FOSL1: variants seen among roughly 807,000 people sequenced by gnomAD.
FOSL1 encodes FOS like 1, AP-1 transcription factor subunit, also known as fos-related antigen 1.
A neutral mutation model predicts 24.9 loss-of-function variants in FOSL1; 14 were observed. That is an observed-to-expected ratio of 0.56 (90% CI 0.37 to 0.88). FOSL1 has a LOEUF of 0.88. Ranked by LOEUF, FOSL1 falls within the 40% of genes least tolerant of loss-of-function variation. FOSL1 has a pLI of 0.00. For synonymous variants in FOSL1, 133 were observed against 145.1 expected (o/e 0.92, Z 0.60); for missense variants, 318 against 359.8 (o/e 0.88, Z 0.94).
intron 1 of FOSL1, among the ~76,000 whole-genome samples, chr11:65,899,370 G>T (rs901853354): frequency 1.3e-5 from 2 of 152,230 alleles, no homozygotes; most frequent in African/African-American, 4.8e-5. Context: ...GGCCAGGAAG[G>T]GAGGGACGCC....
chr11:65,893,008 T>G lies in FOSL1; in HGVS notation c.694A>C (p.Ser232Arg). Reference sequence around the variant, plus strand: ...GTGCTGGGGTAGGTGAAGACCAGGCTGGGGGTGAAAGGAGTTAGGGAGGGT... The same window carrying G: ...GTGCTGGGGTAGGTGAAGACCAGGCGGGGGGTGAAAGGAGTTAGGGAGGGT... Reference protein sequence around the residue: ...TTPSLTPFTPSLVFTYPSTPE... With the variant: ...TTPSLTPFTPRLVFTYPSTPE... Residue 232 changes from serine (S) to arginine (R), a missense_variant, in exon 4 of 4, where the codon AGC (serine) becomes CGC (arginine). Transcript: ENST00000312562. 1 of 1,612,466 alleles carries G rather than the reference T, an allele frequency of 6.2e-7. No homozygotes were observed. Among genetic ancestry groups the G allele is most frequent in the Non-Finnish European group, 8.5e-7 (1 of 1,179,756 alleles).
In FOSL1 at chr11:65,892,576, C is replaced by A; in HGVS notation, c.*310G>T. 1 of 575,140 alleles carries A rather than the reference C, an allele frequency of 1.7e-6. No homozygotes were observed. Among genetic ancestry groups the A allele is most frequent in the African/African-American group, 1.8e-5 (1 of 54,494 alleles). The allele number at this position is 575,140 out of a possible 1,614,324, so 35.6% of individuals were successfully genotyped here. On this transcript the variant is annotated 3_prime_UTR_variant, in exon 4 of 4. Coordinates refer to ENST00000312562, the MANE Select transcript of FOSL1 (RefSeq NM_005438.5). ...GGCAGTGATCTGGAAGGGGTTAGGGCTCCAGAGGACCTCTAAGGATCTACA... is the reference window on the plus strand; with the variant it reads ...GGCAGTGATCTGGAAGGGGTTAGGGATCCAGAGGACCTCTAAGGATCTACA...
chr11:65,897,667 C>G (rs970011423), intron 1 of FOSL1, among the ~76,000 whole-genome samples: 11 of 152,066 alleles, frequency 7.2e-5, no homozygotes. Flanking sequence ...GACGGGAGAA[C>G]AGTTGTCCGC....
rs1460238917 is a variant in FOSL1, at chr11:65,896,860, G to A, written c.246C>T (p.Val82=). The A allele has an allele frequency of 6.2e-7, 1 of 1,613,476 alleles. No homozygotes were observed. Among genetic ancestry groups the A allele is most frequent in the Non-Finnish European group, 8.5e-7 (1 of 1,179,658 alleles). The change falls in exon 2 of 4, where the codon GTC becomes GTT. Residue 82 remains valine, a synonymous_variant. Coordinates refer to ENST00000312562, the MANE Select transcript of FOSL1 (RefSeq NM_005438.5). ...QYSPPQPRPG[V]IRALGPPPGV... ...CTGGAGGCGGCCCCAGGGCCCGGATGACTCCTGGCCGGGGTTGTGGGGGGC... is the reference window on the plus strand; with the variant it reads ...CTGGAGGCGGCCCCAGGGCCCGGATAACTCCTGGCCGGGGTTGTGGGGGGC...
intron 2 of FOSL1, among the ~76,000 whole-genome samples, chr11:65,894,668 TA>T (rs1158590147): frequency 3.4e-4 from 52 of 152,334 alleles, no homozygotes; most frequent in Non-Finnish European, 1.0e-4. Flanking sequence ...TATTTTATTT[TA>T]TTTTTTTTAG....
At chr11:65,895,585 C>T (rs1040497972) in intron 2 of FOSL1, among the ~76,000 whole-genome samples, 5 of 152,134 alleles carry the variant, frequency 3.3e-5, no homozygotes, top group African/African-American at 1.2e-4. Flanking sequence ...CAAAAGGATC[C>T]AACTCACAGC....
Position 65,892,855 on chromosome 11 carries a change from T to C in FOSL1, c.*31A>G. On this transcript the variant is annotated 3_prime_UTR_variant, in exon 4 of 4. Transcript: ENST00000312562. ...GAAGGGGAGGAGACATTGGCTAGGG[T>C]GGCATCTGCAGGGAGTAGGGCTCAG... is the stretch of plus-strand genomic sequence containing the variant. 6.3e-7 allele frequency: 1 copy of C among 1,598,744 alleles called. No individual in the cohort carries two copies. The highest frequency in any genetic ancestry group is 8.5e-7 in the Non-Finnish European group (1 of 1,174,808).
chr11:65,894,266 AG>A (rs1379430735), intron 2 of FOSL1, 145 bp from the exon 3 acceptor site: 1 of 633,568 alleles, frequency 1.6e-6, no homozygotes, highest in African/African-American at 1.8e-5. Flanking sequence ...GCACCCAACC[AG>A]TTCCCTGCAC....
At chr11:65,898,460 C>T (rs969670144) in intron 1 of FOSL1, among the ~76,000 whole-genome samples, 2 of 152,180 alleles carry the variant, frequency 1.3e-5, no homozygotes, top group Non-Finnish European at 2.9e-5. Flanking sequence ...GTTGAGATGA[C>T]AGGCTTTAGC....
intron 1 of FOSL1, among the ~76,000 whole-genome samples, chr11:65,899,122 A>G (rs1209100672): frequency 6.6e-6 from 1 of 152,154 alleles, no homozygotes; most frequent in East Asian, 1.9e-4. Context: ...TCTATCAGCC[A>G]GCTATCTGAG....
chr11:65,892,208 GA>G lies in FOSL1; in HGVS notation c.*677del. 1 of 203,402 alleles carries G rather than the reference GA, an allele frequency of 4.9e-6. No individual in the cohort carries two copies. 12.6% of individuals were successfully genotyped at this position (203,402 alleles called of 1,614,324 possible). A position where few individuals can be genotyped will look rare whatever the true frequency, so the allele number is the denominator to read the frequency against. Reference sequence around the variant, plus strand: ...TCTCCCATTGGCCTCTGGGTCCAGTGAGGCACTCAGGCCACAGCTTCAAGCC... The same window carrying G: ...TCTCCCATTGGCCTCTGGGTCCAGTGGGCACTCAGGCCACAGCTTCAAGCC... On this transcript the variant is annotated 3_prime_UTR_variant, in exon 4 of 4. Coordinates refer to ENST00000312562, the MANE Select transcript of FOSL1 (RefSeq NM_005438.5).
At chr11:65,893,913 A>G in intron 3 of FOSL1, 101 bp downstream of exon 3, 1 of 787,344 alleles carries the variant, frequency 1.3e-6, no homozygotes. Context: ...CCCCTCAGAC[A>G]AGGAGCTAGG....
In FOSL1 at chr11:65,897,046, G is replaced by A. The variant is rs1418284494; in HGVS notation, c.100-40C>T. On this transcript the variant is annotated intron_variant, in intron 1 of 3. Coordinates refer to ENST00000312562, the MANE Select transcript of FOSL1 (RefSeq NM_005438.5). ...ATGGAAGGCCACAGATGAGGTCCGT[G>A]TGGATTGAGGGGCTTCCACTGGGCA... 2.7e-6 allele frequency: 4 copies of A among 1,490,770 alleles called. No individual in the cohort carries two copies. In the Admixed American group the frequency reaches 6.7e-5, roughly 25 times the overall value. The allele number at this position is 1,490,770 out of a possible 1,614,324, so 92.3% of individuals were successfully genotyped here. A position where few individuals can be genotyped will look rare whatever the true frequency, so the allele number is the denominator to read the frequency against.
At chr11:65,895,527 A>G (rs764471256) in intron 2 of FOSL1, among the ~76,000 whole-genome samples, 1 of 151,988 alleles carries the variant, frequency 6.6e-6, no homozygotes, top group Non-Finnish European at 1.5e-5. Context: ...GAACTCACTC[A>G]CTCTATTCCA....
At chr11:65,894,693 C>G (rs1226777438) in intron 2 of FOSL1, among the ~76,000 whole-genome samples, 1 of 152,164 alleles carries the variant, frequency 6.6e-6, no homozygotes, top group African/African-American at 2.4e-5. Context: ...GAGTCTCACT[C>G]TTTCCCAGGC....
chr11:65,897,102 C>T, intron 1 of FOSL1, 96 bp from the exon 2 acceptor site: 1 of 889,158 alleles, frequency 1.1e-6, no homozygotes, highest in Non-Finnish European at 1.8e-6. Context: ...CTTCAATGTA[C>T]AGGCTAGCTC....
intron 3 of FOSL1, among the ~76,000 whole-genome samples, chr11:65,893,664 G>C (rs1480902770): frequency 6.6e-6 from 1 of 151,652 alleles, no homozygotes; most frequent in African/African-American, 2.4e-5. Flanking sequence ...GGAGGCAGGC[G>C]CCTGTAGCCC....
Position 65,893,248 on chromosome 11 carries a change from C to T in FOSL1, c.454G>A (p.Glu152Lys). Reference sequence around the variant, plus strand: ...CGCTCCTTCTGCTTCTGCAGCTCCTCAATCTCTCGCTGCAGCCCAGATTTC... The same window carrying T: ...CGCTCCTTCTGCTTCTGCAGCTCCTTAATCTCTCGCTGCAGCCCAGATTTC... ...DEKSGLQREI[E>K]ELQKQKERLE... The change falls in exon 4 of 4, where the codon GAG becomes AAG. Residue 152 changes from glutamate (E) to lysine (K), a missense_variant. Coordinates refer to ENST00000312562, the MANE Select transcript of FOSL1 (RefSeq NM_005438.5). 1.2e-6 allele frequency: 2 copies of T among 1,613,740 alleles called. No homozygotes were observed. The highest frequency in any genetic ancestry group is 3.3e-5 in the Admixed American group (2 of 59,990).
chr11:65,893,179 G>A lies in FOSL1; in HGVS notation c.523C>T (p.Pro175Ser), dbSNP rs2134789327. The change falls in exon 4 of 4, where the codon CCG becomes TCG. Residue 175 changes from proline to serine, a missense_variant. Physicochemically the swap from Pro to Ser is moderately conservative, Grantham distance 74. Coordinates refer to ENST00000312562, the MANE Select transcript of FOSL1 (RefSeq NM_005438.5). The part of the protein sequence containing the change: ...LEAHRPICKI[P>S]EGAKEGDTGS... ...GTGTCCCCCTCCTTGGCTCCTTCCG[G>A]GATTTTGCAGATGGGTCGGTGGGCT... The A allele has an allele frequency of 1.9e-6, 3 of 1,613,938 alleles. No individual in the cohort carries two copies. Among genetic ancestry groups the A allele is most frequent in the Admixed American group, 1.7e-5 (1 of 60,016 alleles).
Sources: allele counts gnomAD v4.1 joint callset (sites outside exome capture counted in the v4.1 genomes callset), GRCh38; gene constraint gnomAD v4.1.1; transcripts MANE v1.5; gene names NCBI Gene and HGNC (gene_info 2026-07-23, HGNC 2026-07-21).